The following CMIP variants were observed in gnomAD, a reference collection of about 807,000 sequenced individuals.
CMIP encodes c-Maf inducing protein.
A neutral mutation model predicts 97.3 loss-of-function variants in CMIP; 13 were observed. That is an observed-to-expected ratio of 0.13 (90% CI 0.09 to 0.21). The LOEUF is 0.21. CMIP is among the 10% of genes least tolerant of loss of function. The pLI is 1.00. For synonymous variants in CMIP, 538 were observed against 436.3 expected (o/e 1.23, Z -2.91); for missense variants, 847 against 1,024.9 (o/e 0.83, Z 2.37).
rs1046862932 is a variant in CMIP, at chr16:81,664,727, A to G, written c.825+378A>G. 3 of 419,006 alleles carry G rather than the reference A, an allele frequency of 7.2e-6. No individual in the cohort carries two copies. In the South Asian group the frequency reaches 2.5e-4, roughly 34 times the overall value. 26.0% of individuals were successfully genotyped at this position (419,006 alleles called of 1,614,324 possible). A position where few individuals can be genotyped will look rare whatever the true frequency, so the allele number is the denominator to read the frequency against. On this transcript the variant is annotated intron_variant, in intron 7 of 20. Transcript: ENST00000537098. ...GCGAGGTCCTTCCAGAGAGCACTGT[A>G]TGGAAGGGGGCAGGAGTAGCCTTGC...
chr16:81,665,602 G>C (rs4889359), intron 7 of CMIP: 95,751 of 151,904 alleles, frequency 0.63, 30,749 homozygotes, highest in African/African-American at 0.75. Flanking sequence ...CAGCCACCAC[G>C]TTAGATTTTA....
chr16:81,589,852 G>T (rs908793765), intron 1 of CMIP, among the ~76,000 whole-genome samples: 1 of 152,204 alleles, frequency 6.6e-6, no homozygotes, highest in African/African-American at 2.4e-5. Context: ...GAATGAATCT[G>T]TTTAGTGAAA....
intron 1 of CMIP, among the ~76,000 whole-genome samples, chr16:81,551,075 C>A (rs928913625): frequency 6.7e-6 from 1 of 148,452 alleles, no homozygotes; most frequent in African/African-American, 2.5e-5. Context: ...ACACGCACCC[C>A]AGTCCCGTCA....
At position 81,616,033 on chromosome 16, in the gene CMIP, T is replaced by A. The variant is rs1303985476; in HGVS notation, c.427-4843T>A. ...GGCAGAAGGAGCCGGGCGCGGTGGG[T>A]GGGAGATCTTGGCTGTCTCTGCCTC... On this transcript the variant is annotated intron_variant, in intron 2 of 20. Transcript: ENST00000537098. This position sits in a 1 kb window ranked among gnomAD's most constrained non-coding sequence, Gnocchi z 4.7. Among the ~76,000 whole-genome samples the A allele has an allele frequency of 6.6e-6, 1 of 150,976 alleles. No homozygotes were observed.
At chr16:81,547,945 G>A (rs1351152266) in intron 1 of CMIP, among the ~76,000 whole-genome samples, 1 of 152,114 alleles carries the variant, frequency 6.6e-6, no homozygotes, top group Non-Finnish European at 1.5e-5. Flanking sequence ...CGAGCAACTC[G>A]CAGCCTCTGA....
At position 81,614,354 on chromosome 16, in the gene CMIP, G is replaced by A. The variant is rs973939995; in HGVS notation, c.427-6522G>A. 1.2e-4 allele frequency among the ~76,000 whole-genome samples: 18 copies of A among 152,356 alleles called. No individual in the cohort carries two copies. Among genetic ancestry groups the A allele is most frequent in the African/African-American group, 4.3e-4 (18 of 41,594 alleles). ...TCCACCATGGGCCAGTGGGGGAAGG[G>A]AGTGTGCCAAGCGGTGCACGGGTTC... On this transcript the variant is annotated intron_variant, in intron 2 of 20. Transcript: ENST00000537098. The surrounding 1 kb of genome is among the most constrained non-coding windows in gnomAD (Gnocchi z 5.3).
intron 8 of CMIP, among the ~76,000 whole-genome samples, chr16:81,671,393 C>A (rs2092681995): frequency 6.6e-6 from 1 of 152,170 alleles, no homozygotes; most frequent in Non-Finnish European, 1.5e-5. Context: ...ATAGCCAAGA[C>A]AAGTAATAAT....
At chr16:81,557,082 A>G (rs747516008) in intron 1 of CMIP, among the ~76,000 whole-genome samples, 3 of 152,242 alleles carry the variant, frequency 2.0e-5, no homozygotes, top group African/African-American at 4.8e-5. Context: ...AAAATGTTCC[A>G]TGGTCTGAAA....
chr16:81,663,299 T>TA (rs34171718), intron 6 of CMIP, among the ~76,000 whole-genome samples: 50,728 of 144,132 alleles, frequency 0.35, 9,987 homozygotes, highest in African/African-American at 0.55. Flanking sequence ...TATTCAGCAC[T>TA]AAAAAAAAAA....
intron 1 of CMIP, among the ~76,000 whole-genome samples, chr16:81,493,001 C>G (rs1325741835): frequency 2.6e-5 from 4 of 152,082 alleles, no homozygotes; most frequent in Non-Finnish European, 4.4e-5. Context: ...TCCCTGCGCC[C>G]CTGGAAGGGA....
intron 1 of CMIP, among the ~76,000 whole-genome samples, chr16:81,517,062 T>C (rs2089929432): frequency 6.6e-6 from 1 of 151,472 alleles, no homozygotes; most frequent in African/African-American, 2.4e-5. Flanking sequence ...AGGTCATCAC[T>C]GAAAAGCCAG....
At chr16:81,547,046 T>G (rs778764090) in intron 1 of CMIP, among the ~76,000 whole-genome samples, 2 of 152,088 alleles carry the variant, frequency 1.3e-5, no homozygotes, top group Non-Finnish European at 2.9e-5. Context: ...TCTGTGACAG[T>G]ACAGGGCAGT....
chr16:81,656,873 CA>C (rs1486410014), intron 4 of CMIP, among the ~76,000 whole-genome samples: 2 of 152,176 alleles, frequency 1.3e-5, no homozygotes, highest in Non-Finnish European at 1.5e-5. Flanking sequence ...CCACACTCCT[CA>C]GCCTCCCAAA....
At chr16:81,688,643 C>T (rs558252391) in intron 10 of CMIP, among the ~76,000 whole-genome samples, 8 of 152,160 alleles carry the variant, frequency 5.3e-5, no homozygotes, top group East Asian at 1.9e-4. Context: ...TTGTTATTAC[C>T]GTCATTAGCA....
In CMIP at chr16:81,445,277, C is replaced by T. The variant is rs750396425; in HGVS notation, c.36C>T (p.Asp12=). The change falls in exon 1 of 21, where the codon GAC becomes GAT. Residue 12 remains aspartate (D), a synonymous_variant. Coordinates refer to ENST00000537098, the MANE Select transcript of CMIP (RefSeq NM_198390.3). ...DVTSSSGGGG[D]PRQIEETKPL... ...CCAGCAGCTCGGGCGGCGGCGGCGA[C>T]CCCCGGCAGATCGAGGAGACCAAGC... The T allele has an allele frequency of 1.2e-5, 19 of 1,545,516 alleles. No homozygotes were observed. The highest frequency in any genetic ancestry group is 1.6e-5 in the Non-Finnish European group (18 of 1,147,884).
chr16:81,499,795 G>A (rs934086435), intron 1 of CMIP, among the ~76,000 whole-genome samples: 7 of 152,214 alleles, frequency 4.6e-5, no homozygotes, highest in Admixed American at 3.3e-4. Context: ...TTTTGGGGGC[G>A]GCAGCTCCGG....
At chr16:81,680,691 A>C (rs1182183493) in intron 10 of CMIP, among the ~76,000 whole-genome samples, 1 of 152,196 alleles carries the variant, frequency 6.6e-6, no homozygotes, top group Admixed American at 6.5e-5. Flanking sequence ...GAGTGTCTTC[A>C]AGGCAGAGAA....
chr16:81,685,598 A>G lies in CMIP; in HGVS notation c.1389-6177A>G, dbSNP rs115738958. 8.6e-3 allele frequency among the ~76,000 whole-genome samples: 1,307 copies of G among 151,962 alleles called. 34 individuals are homozygous for G. The highest frequency in any genetic ancestry group is 0.03 in the African/African-American group (1,260 of 41,428). ...GATACTCTGTCACCGAGGCTGGAGT[A>G]TAGTGCCGCAGTTACAGGTCACTGC... On this transcript the variant is annotated intron_variant, in intron 10 of 20. Coordinates refer to ENST00000537098, the MANE Select transcript of CMIP (RefSeq NM_198390.3).
intron 8 of CMIP, 123 bp downstream of exon 8, chr16:81,670,368 C>T (rs1042018565): frequency 4.9e-6 from 5 of 1,018,564 alleles, no homozygotes; most frequent in Non-Finnish European, 7.2e-6. Flanking sequence ...ATGAGGAAGC[C>T]CCTAGCCTAC....
Sources: gnomAD v4.1 joint callset for allele counts (sites outside exome capture counted in the v4.1 genomes callset) on GRCh38, gnomAD v4.1.1 for gene constraint, Gnocchi (gnomAD v3.1) non-coding constraint, MANE v1.5 for transcripts, NCBI Gene and HGNC (gene_info 2026-07-23, HGNC 2026-07-21) for gene names.